Variants in MAIP1 observed in about 807,000 individuals in gnomAD.
MAIP1 encodes the protein matrix AAA peptidase interacting protein 1.
A neutral mutation model predicts 31.2 loss-of-function variants in MAIP1; 28 were observed. The observed-to-expected ratio is 0.90, with a 90% CI of 0.67 to 1.23. The LOEUF (loss-of-function observed/expected upper bound fraction) is 1.23, where lower values mean the gene tolerates loss of function less well. MAIP1 is among the 50% of genes most tolerant of loss of function. MAIP1 has a pLI of 0.00. For missense variants in MAIP1, 339 were observed against 356.0 expected (o/e 0.95, Z 0.38); for synonymous variants, 142 against 142.3 (o/e 1.00, Z 0.02).
chr2:199,959,658 T>C (rs547313078), intron 2 of MAIP1, 96 bp from the exon 3 acceptor site: 8 of 1,090,246 alleles, frequency 7.3e-6, no homozygotes, highest in East Asian at 2.4e-5. Context: ...AATTTAAAAA[T>C]AGGTTTGGAA....
intron 1 of MAIP1, 114 bp downstream of exon 1, chr2:199,956,362 G>A (rs1342209330): frequency 1.2e-6 from 1 of 866,632 alleles, no homozygotes; most frequent in East Asian, 2.4e-5. Context: ...AACGTGATTA[G>A]TGGCCCAGAC....
At position 199,956,061 on chromosome 2, in the gene MAIP1, T is replaced by TC; in HGVS notation, c.266dup (p.Ala90CysfsTer34). 1 of 1,612,922 alleles carries TC rather than the reference T, an allele frequency of 6.2e-7. No individual in the cohort carries two copies. Among genetic ancestry groups the TC allele is most frequent in the Non-Finnish European group, 8.5e-7 (1 of 1,179,380 alleles). On this transcript the variant is annotated frameshift_variant, in exon 1 of 5. Coordinates refer to ENST00000392290, the MANE Select transcript of MAIP1 (RefSeq NM_001394955.1). LOFTEE classifies it high-confidence loss of function. ...GGACTCCCCGCAGCCTTCGCTTCTT[T>TC]CCCTGCCTGCCCTCAGCGCAGCTAC...
intron 1 of MAIP1, among the ~76,000 whole-genome samples, chr2:199,957,941 T>C (rs1409690352): frequency 1.3e-5 from 2 of 152,218 alleles, no homozygotes; most frequent in Non-Finnish European, 2.9e-5. Flanking sequence ...GCATCAGGCC[T>C]CAGTACTTGT....
intron 1 of MAIP1, among the ~76,000 whole-genome samples, chr2:199,957,627 TGTCA>T (rs2105724498): frequency 6.6e-6 from 1 of 152,354 alleles, no homozygotes; most frequent in East Asian, 1.9e-4. Flanking sequence ...GTTTAATAAG[TGTCA>T]GTATTAACTC....
In MAIP1 at chr2:199,961,769, T is replaced by G; in HGVS notation, c.650-12T>G. The G allele has an allele frequency of 6.2e-7, 1 of 1,606,328 alleles. No individual in the cohort carries two copies. The highest frequency in any genetic ancestry group is 8.5e-7 in the Non-Finnish European group (1 of 1,176,450). ...TTTGTATTCGTATGTGTGTATATGT[T>G]TTTTCTCTAAGGAAGGAAGTTTGTT... is the stretch of plus-strand genomic sequence containing the variant. On this transcript the variant is annotated splice_polypyrimidine_tract_variant and intron_variant, in intron 3 of 4. Transcript: ENST00000392290.
chr2:199,955,444 G>A (rs777462685), upstream of MAIP1: 3 of 1,613,906 alleles, frequency 1.9e-6, 1 homozygote, highest in East Asian at 2.2e-5. Context: ...CCTCCAGCCG[G>A]GGTACCGGGA....
chr2:199,956,260 T>A lies in MAIP1; in HGVS notation c.450+12T>A, dbSNP rs1559311263. ...AGGGAGCGAAGCAGGTTTGTTTATT[T>A]CCCTGATTGACCTATCCGTCTCTAA... On this transcript the variant is annotated intron_variant, in intron 1 of 4. Coordinates refer to ENST00000392290, the MANE Select transcript of MAIP1 (RefSeq NM_001394955.1). 1 of 1,595,506 alleles carries A rather than the reference T, an allele frequency of 6.3e-7. No individual in the cohort carries two copies. Among genetic ancestry groups the A allele is most frequent in the Non-Finnish European group, 8.6e-7 (1 of 1,168,046 alleles).
chr2:199,959,628 G>T, intron 2 of MAIP1, 126 bp from the exon 3 acceptor site: 1 of 758,428 alleles, frequency 1.3e-6, no homozygotes, highest in South Asian at 1.9e-5. Flanking sequence ...TGCTTTTGAG[G>T]ATGAGTAAAT....
In MAIP1 at chr2:199,961,847, C is replaced by CT. The variant is rs554643599; in HGVS notation, c.719dup (p.Leu240PhefsTer10). On this transcript the variant is annotated frameshift_variant, in exon 4 of 5. Transcript: ENST00000392290. LOFTEE classifies it high-confidence loss of function. The stretch of plus-strand genomic sequence containing the variant: ...ACCAGTGCCAACATCCCCAGTGAAA[C>CT]TTTAAGAGGAGCCAGTGTATTCCAG... The CT allele has an allele frequency of 6.0e-4, 963 of 1,613,988 alleles. 9 individuals are homozygous for CT. The Admixed American group carries it at 0.015, about 25-fold the overall frequency.
chr2:199,955,580 G>T (rs1288765224), upstream of MAIP1: 3 of 1,405,678 alleles, frequency 2.1e-6, no homozygotes, highest in Non-Finnish European at 2.9e-6. Flanking sequence ...CGCGAGGCCG[G>T]CAGACTCCAG....
In MAIP1 at chr2:199,956,183, T is replaced by C. The variant is rs202128623; in HGVS notation, c.385T>C (p.Phe129Leu). 14 of 1,614,170 alleles carry C rather than the reference T, an allele frequency of 8.7e-6. No homozygotes were observed. The highest frequency in any genetic ancestry group is 6.7e-5 in the East Asian group (3 of 44,880). ...INWVRTRIKA[F>L]LIWAYFDKEF... is the part of the protein sequence containing the mutation. ...CTGGGTTAGGACTCGAATTAAGGCC[T>C]TCCTTATCTGGGCCTATTTCGACAA... The change falls in exon 1 of 5, where the codon TTC becomes CTC. Residue 129 changes from phenylalanine (F) to leucine (L), a missense_variant. Physicochemically the swap from Phe to Leu is conservative, Grantham distance 22. Coordinates refer to ENST00000392290, the MANE Select transcript of MAIP1 (RefSeq NM_001394955.1).
chr2:199,955,529 A>G (rs2077592843), upstream of MAIP1: 2 of 1,578,514 alleles, frequency 1.3e-6, no homozygotes, highest in African/African-American at 2.7e-5. Flanking sequence ...AGCGTTCCTC[A>G]GCGCCATCCG....
rs1264459116 is a variant in MAIP1, at chr2:199,955,995, T to C, written c.197T>C (p.Leu66Pro). The C allele has an allele frequency of 1.2e-6, 2 of 1,611,872 alleles. No individual in the cohort carries two copies. The highest frequency in any genetic ancestry group is 2.2e-5 in the East Asian group (1 of 44,774). ...GCTAGGGCCTTGGCAGCCTCGGCGCTACCTGCCCAGGGCTCCCGGTGGCCA... is the reference window on the plus strand; with the variant it reads ...GCTAGGGCCTTGGCAGCCTCGGCGCCACCTGCCCAGGGCTCCCGGTGGCCA... ...RSARALAASA[L>P]PAQGSRWPVL... The change falls in exon 1 of 5, where the codon CTA becomes CCA. Residue 66 changes from leucine to proline, a missense_variant. Transcript: ENST00000392290.
intron 1 of MAIP1, among the ~76,000 whole-genome samples, chr2:199,958,048 A>G (rs2077617156): frequency 6.6e-6 from 1 of 152,180 alleles, no homozygotes; most frequent in Non-Finnish European, 1.5e-5. Flanking sequence ...CTTCCTTGCT[A>G]TTAAGCAGTA....
chr2:199,955,774 G>A lies in MAIP1; in HGVS notation c.-25G>A, dbSNP rs1472317329. The stretch of plus-strand genomic sequence containing the variant: ...ACTTCCTTTCCATACAGCACCGGCA[G>A]GCACCGGTGTGAAGGGTCATAAAAA... On this transcript the variant is annotated 5_prime_UTR_variant, in exon 1 of 5. Transcript: ENST00000392290. 1.3e-6 allele frequency: 2 copies of A among 1,510,144 alleles called. No homozygotes were observed. 93.5% of individuals were successfully genotyped at this position (1,510,144 alleles called of 1,614,324 possible). A position where few individuals can be genotyped will look rare whatever the true frequency, so the allele number is the denominator to read the frequency against.
In MAIP1 at chr2:199,956,446, C is replaced by T. The variant is rs538024910; in HGVS notation, c.450+198C>T. ...GAATGGTGGTACACGCCTGTAGTCT[C>T]AGCTACTTGGGAGGCTGAAGGGGAG... is the stretch of plus-strand genomic sequence containing the variant. On this transcript the variant is annotated intron_variant, in intron 1 of 4. Coordinates refer to ENST00000392290, the MANE Select transcript of MAIP1 (RefSeq NM_001394955.1). 1.2e-4 allele frequency among the ~76,000 whole-genome samples: 18 copies of T among 152,270 alleles called. No individual in the cohort carries two copies. In the South Asian group the frequency reaches 3.5e-3, roughly 30 times the overall value.
At chr2:199,958,887 G>A (rs746613442) in intron 1 of MAIP1, among the ~76,000 whole-genome samples, 16 of 152,114 alleles carry the variant, frequency 1.1e-4, no homozygotes, top group Non-Finnish European at 2.4e-4. Context: ...ATGCAGTCTC[G>A]ACTGTTCTCC....
At chr2:199,963,699 G>C (rs1574822782) in intron 4 of MAIP1, 34 bp from the exon 5 acceptor site, 1 of 1,349,478 alleles carries the variant, frequency 7.4e-7, no homozygotes, top group East Asian at 2.3e-5. Flanking sequence ...TTGGACTGAT[G>C]TAAGATTTAC....
intron 1 of MAIP1, 46 bp downstream of exon 1, chr2:199,956,294 A>C (rs2077603853): frequency 7.6e-6 from 11 of 1,449,664 alleles, no homozygotes; most frequent in Non-Finnish European, 1.0e-5. Context: ...AATGAGTTCA[A>C]CTATTGCTCG....
Sources: allele counts gnomAD v4.1 joint callset (sites outside exome capture counted in the v4.1 genomes callset), GRCh38; gene constraint gnomAD v4.1.1; transcripts MANE v1.5; gene names NCBI Gene and HGNC (gene_info 2026-07-23, HGNC 2026-07-21).